Variants in PLCB1 observed in about 807,000 individuals in gnomAD.
The protein encoded by PLCB1 is phospholipase C beta 1.
A neutral mutation model predicts 161.8 loss-of-function variants in PLCB1; 46 were observed. The observed-to-expected ratio is 0.28, with a 90% CI of 0.22 to 0.36. The LOEUF is 0.36. PLCB1 is among the 10% of genes least tolerant of loss of function. PLCB1 has a pLI of 1.00. For missense variants in PLCB1, 1,016 were observed against 1,472.5 expected, an observed-to-expected ratio of 0.69 and a Z score of 5.07; for synonymous variants, 517 against 503.7, an observed-to-expected ratio of 1.03 and a Z score of -0.35.
chr20:8,510,803 A>G (rs999887877), intron 3 of PLCB1, among the ~76,000 whole-genome samples: 1 of 152,208 alleles, frequency 6.6e-6, no homozygotes, highest in Admixed American at 6.5e-5. Context: ...CTTCTGAAAG[A>G]GAGGGTTTTT....
At chr20:8,722,484 C>A in intron 15 of PLCB1, 63 bp downstream of exon 15, 1 of 1,197,092 alleles carries the variant, frequency 8.4e-7, no homozygotes, top group Non-Finnish European at 1.1e-6. Flanking sequence ...CTGGGTCTGT[C>A]TCATGGTCAC....
intron 2 of PLCB1, among the ~76,000 whole-genome samples, chr20:8,155,382 T>G (rs939924883): frequency 1.3e-5 from 2 of 152,202 alleles, no homozygotes; most frequent in African/African-American, 4.8e-5. Context: ...TTCTGGATGT[T>G]TGTACAGAGT....
intron 31 of PLCB1, among the ~76,000 whole-genome samples, chr20:8,871,276 G>A (rs1030305942): frequency 6.6e-6 from 1 of 152,164 alleles, no homozygotes; most frequent in Non-Finnish European, 1.5e-5. Context: ...ATATATACCT[G>A]TAGATTGTGT....
At chr20:8,806,950 T>C (rs1402878279) in intron 31 of PLCB1, among the ~76,000 whole-genome samples, 5 of 152,174 alleles carry the variant, frequency 3.3e-5, no homozygotes, top group African/African-American at 1.2e-4. Flanking sequence ...TGCTTTGGGC[T>C]AAATTATGAA....
intron 14 of PLCB1, among the ~76,000 whole-genome samples, chr20:8,718,565 C>T (rs1979460639): frequency 6.6e-6 from 1 of 152,190 alleles, no homozygotes; most frequent in African/African-American, 2.4e-5. Flanking sequence ...CCTGTGGTCA[C>T]ATCTCCCTCT....
At chr20:8,226,106 C>A (rs1015091891) in intron 2 of PLCB1, among the ~76,000 whole-genome samples, 4 of 152,138 alleles carry the variant, frequency 2.6e-5, no homozygotes, top group African/African-American at 9.7e-5. Context: ...AATGTCAAGC[C>A]AGGTCTTCTG....
At chr20:8,171,526 C>T (rs1327559456) in intron 2 of PLCB1, among the ~76,000 whole-genome samples, 2 of 152,044 alleles carry the variant, frequency 1.3e-5, no homozygotes, top group Non-Finnish European at 2.9e-5. Context: ...AGCTCTATCC[C>T]TTGTGAGCTG....
chr20:8,269,223 A>G (rs917050629), intron 2 of PLCB1, among the ~76,000 whole-genome samples: 2 of 152,008 alleles, frequency 1.3e-5, no homozygotes, highest in African/African-American at 2.4e-5. Context: ...TCCTAATGCT[A>G]TCCCTACCCC....
chr20:8,245,576 C>G (rs2123212518), intron 2 of PLCB1, among the ~76,000 whole-genome samples: 1 of 151,960 alleles, frequency 6.6e-6, no homozygotes, highest in Middle Eastern at 3.4e-3. Context: ...AGTGAGAAAG[C>G]TTTGGCCTCA....
chr20:8,511,438 G>C (rs1027492015), intron 3 of PLCB1, among the ~76,000 whole-genome samples: 2 of 152,102 alleles, frequency 1.3e-5, no homozygotes, highest in Non-Finnish European at 2.9e-5. Context: ...GGACACTTAG[G>C]TTGGTTCCAT....
At chr20:8,404,889 A>G (rs770453895) in intron 3 of PLCB1, among the ~76,000 whole-genome samples, 3 of 152,148 alleles carry the variant, frequency 2.0e-5, no homozygotes, top group Non-Finnish European at 2.9e-5. Flanking sequence ...CACCACAATT[A>G]TTGAAGTTGT....
At chr20:8,796,025 T>C (rs1225794501) in intron 31 of PLCB1, among the ~76,000 whole-genome samples, 1 of 152,238 alleles carries the variant, frequency 6.6e-6, no homozygotes, top group Non-Finnish European at 1.5e-5. Flanking sequence ...TTTAATGAAC[T>C]ATCTCCATAA....
intron 2 of PLCB1, among the ~76,000 whole-genome samples, chr20:8,182,201 T>C (rs2051851445): frequency 6.6e-6 from 1 of 152,238 alleles, no homozygotes; most frequent in South Asian, 2.1e-4. Context: ...GCAGCAGCTT[T>C]CCAGTGTTGA....
chr20:8,576,126 A>T (rs1365662632), intron 3 of PLCB1, among the ~76,000 whole-genome samples: 1 of 152,166 alleles, frequency 6.6e-6, no homozygotes, highest in Non-Finnish European at 1.5e-5. Flanking sequence ...ATTATTTCCC[A>T]GGTCATCAAA....
chr20:8,339,665 T>C (rs146975084), intron 2 of PLCB1, among the ~76,000 whole-genome samples: 1 of 152,328 alleles, frequency 6.6e-6, no homozygotes, highest in Non-Finnish European at 1.5e-5. Flanking sequence ...CTTCTGTTGT[T>C]GGTGATTTTT....
intron 3 of PLCB1, among the ~76,000 whole-genome samples, chr20:8,503,397 A>G (rs1983507617): frequency 6.6e-6 from 1 of 152,076 alleles, no homozygotes; most frequent in Non-Finnish European, 1.5e-5. Flanking sequence ...TCTACACACT[A>G]TTCAATACCG....
Position 8,412,416 on chromosome 20 carries a change from A to G in PLCB1, c.246+40966A>G, listed in dbSNP as rs80023689. On this transcript the variant is annotated intron_variant, in intron 3 of 31. Coordinates refer to ENST00000338037, the MANE Select transcript of PLCB1 (RefSeq NM_015192.4). The stretch of plus-strand genomic sequence containing the variant: ...GACTGAGGATTTGAGAACAATTATC[A>G]CATCCACTACACAAGAAAACATCAT... Among the ~76,000 whole-genome samples, 455 of 152,310 alleles carry G rather than the reference A, an allele frequency of 3.0e-3. 4 individuals are homozygous for G. The East Asian group carries it at 0.037, about 12-fold the overall frequency.
rs560644654 is a variant in PLCB1, at chr20:8,497,383, T to C, written c.246+125933T>C. On this transcript the variant is annotated intron_variant, in intron 3 of 31. Transcript: ENST00000338037. ...TGAGGATTTAGGTAAATACTGTCTGTCTAAAATTAATTTTGGAAAGTAACT... is the reference window on the plus strand; with the variant it reads ...TGAGGATTTAGGTAAATACTGTCTGCCTAAAATTAATTTTGGAAAGTAACT... Among the ~76,000 whole-genome samples, 5 of 152,328 alleles carry C rather than the reference T, an allele frequency of 3.3e-5. No homozygotes were observed. In the South Asian group the frequency reaches 1.0e-3, roughly 32 times the overall value.
chr20:8,274,928 A>G (rs1056653297), intron 2 of PLCB1, among the ~76,000 whole-genome samples: 7 of 151,970 alleles, frequency 4.6e-5, no homozygotes, highest in Admixed American at 2.6e-4. Context: ...TCTTCTCTTT[A>G]TTTTCCTCTG....
Sources: allele counts gnomAD v4.1 joint callset (sites outside exome capture counted in the v4.1 genomes callset), GRCh38; gene constraint gnomAD v4.1.1; transcripts MANE v1.5; gene names NCBI Gene and HGNC (gene_info 2026-07-23, HGNC 2026-07-21).